The following LPA variants were observed in gnomAD, a reference collection of about 807,000 sequenced individuals.
The protein encoded by LPA is lipoprotein(a).
A neutral mutation model predicts 197.9 loss-of-function variants in LPA; 199 were observed. The observed-to-expected ratio is 1.01, with a 90% confidence interval of 0.90 to 1.13. The LOEUF (loss-of-function observed/expected upper bound fraction) is 1.13, where lower values mean the gene tolerates loss of function less well. LPA is among the 50% of genes most tolerant of loss of function. The pLI, the probability that LPA is intolerant of heterozygous loss-of-function variation, is 0.00. For synonymous variants in LPA, 715 were observed against 639.5 expected, an observed-to-expected ratio of 1.12 and a Z score of -1.78; for missense variants, 1,853 against 1,785.8, an observed-to-expected ratio of 1.04 and a Z score of -0.68.
chr6:160,565,766 A>G (rs1013585000), intron 28 of LPA, among the ~76,000 whole-genome samples: 2 of 152,196 alleles, frequency 1.3e-5, no homozygotes, highest in African/African-American at 4.8e-5. Flanking sequence ...CATTGCAAAG[A>G]AGCTAAAAAC....
rs764089716 is a variant in LPA, at chr6:160,540,141, G to A, written c.5637C>T (p.His1879=). 8.7e-6 allele frequency: 14 copies of A among 1,614,106 alleles called. No individual in the cohort carries two copies. The East Asian group carries it at 2.2e-4, about 26-fold the overall frequency. ...CATGAGATTCGAGGTTCACTTCTTG[G>A]TGTGCACCCAGGATGACCTTGTAGG... ...PSSYKVILGA[H]QEVNLESHVQ... is the part of the protein sequence containing the mutation. Residue 1879 remains histidine (H), a synonymous_variant, in exon 36 of 39, where the codon CAC becomes CAT. Transcript: ENST00000316300.
chr6:160,655,275 C>G (rs1434416921), intron 1 of LPA, among the ~76,000 whole-genome samples: 1 of 152,176 alleles, frequency 6.6e-6, no homozygotes, highest in Admixed American at 6.5e-5. Flanking sequence ...GTGGCAGGGC[C>G]TTGCTCCAAA....
chr6:160,603,164 A>T (rs1779278010), intron 18 of LPA, among the ~76,000 whole-genome samples: 1 of 151,438 alleles, frequency 6.6e-6, no homozygotes, highest in Admixed American at 6.6e-5. Flanking sequence ...ACCCACATGC[A>T]GGAAATCTTT....
At chr6:160,558,796 A>G (rs1778312841) in intron 28 of LPA, among the ~76,000 whole-genome samples, 1 of 152,188 alleles carries the variant, frequency 6.6e-6, no homozygotes, top group Non-Finnish European at 1.5e-5. Flanking sequence ...ACTCCCATTC[A>G]TGCCTCCTAG....
rs770353419 is a variant in LPA at position 160,531,882 on chromosome 6, A to G, written c.5970T>C (p.Ser1990=). The G allele has an allele frequency of 6.2e-7, 1 of 1,614,032 alleles. No homozygotes were observed. Among genetic ancestry groups the G allele is most frequent in the East Asian group, 2.2e-5 (1 of 44,876 alleles). Residue 1990 remains serine, a synonymous_variant, in exon 39 of 39, where the codon AGT becomes AGC. Coordinates refer to ENST00000316300, the MANE Select transcript of LPA (RefSeq NM_005577.4). The part of the protein sequence containing the change: ...ARGTDSCQGD[S]GGPLVCFEKD... ...TCTCGAAGCAAACCAGAGGCCCTCC[A>G]CTGTCACCCTAAACAGAGGTAGGGG...
intron 23 of LPA, 109 bp from the exon 24 acceptor site, chr6:160,589,821 G>A (rs181215991): frequency 7.7e-6 from 10 of 1,292,290 alleles, no homozygotes; most frequent in African/African-American, 5.8e-5. Flanking sequence ...TGACGACCAT[G>A]CTCTGTTCTA....
At chr6:160,661,823 C>A (rs532779953) in intron 1 of LPA, among the ~76,000 whole-genome samples, 10 of 152,308 alleles carry the variant, frequency 6.6e-5, no homozygotes, top group Admixed American at 3.3e-4. Context: ...TGGGTAAATT[C>A]TATAGCTCAC....
chr6:160,603,897 TG>T (rs1456402152), intron 18 of LPA, among the ~76,000 whole-genome samples: 1 of 152,220 alleles, frequency 6.6e-6, no homozygotes, highest in Non-Finnish European at 1.5e-5. Context: ...GAGTCTCTAC[TG>T]TATTCCCAAG....
At chr6:160,600,754 C>T (rs1281078690) in intron 19 of LPA, among the ~76,000 whole-genome samples, 163 bp downstream of exon 19, 2 of 152,142 alleles carry the variant, frequency 1.3e-5, no homozygotes, top group Non-Finnish European at 2.9e-5. Flanking sequence ...AAAATCACAC[C>T]TCTGGCTCCC....
chr6:160,567,708 T>C (rs974107950), intron 28 of LPA, among the ~76,000 whole-genome samples: 1 of 152,138 alleles, frequency 6.6e-6, no homozygotes, highest in African/African-American at 2.4e-5. Flanking sequence ...ATCCAGGAGC[T>C]GGTTTTTTGA....
Position 160,577,146 on chromosome 6 carries a change from A to G in LPA, c.4621T>C (p.Tyr1541His). The stretch of plus-strand genomic sequence containing the variant: ...TAATCAAATACATACGCATTTGGGT[A>G]GTTTTCTGGGGTCCTCTGATGCCAG... ...PHWHQRTPEN[Y>H]PNAGLTENYC... The change falls in exon 28 of 39, where the codon TAC (tyrosine) becomes CAC (histidine). Residue 1541 changes from tyrosine to histidine, a missense_variant. Physicochemically the swap from Tyr to His is moderately conservative, Grantham distance 83. Transcript: ENST00000316300. The G allele has an allele frequency of 6.2e-7, 1 of 1,613,622 alleles. No homozygotes were observed. The highest frequency in any genetic ancestry group is 8.5e-7 in the Non-Finnish European group (1 of 1,179,710).
Position 160,532,648 on chromosome 6 carries a change from AC to A in LPA, c.5843del (p.Gly1948ValfsTer89). ...CYITGWGETQ[G>X]TFGTGLLKEA... ...CCTTGAGAAGGCCAGTCCCAAAGGT[AC>A]CTGTGTTTAAAAAGATGAAAGAAAT... On this transcript the variant is annotated frameshift_variant and splice_region_variant, in exon 38 of 39. Transcript: ENST00000316300. LOFTEE classifies it high-confidence loss of function. The A allele has an allele frequency of 6.3e-7, 1 of 1,582,654 alleles. No individual in the cohort carries two copies. The highest frequency in any genetic ancestry group is 8.7e-7 in the Non-Finnish European group (1 of 1,152,114).
chr6:160,589,678 G>A lies in LPA; in HGVS notation c.3822C>T (p.Cys1274=), dbSNP rs1325340691. The change falls in exon 24 of 39, where the codon TGC becomes TGT. Residue 1274 remains cysteine, a synonymous_variant. Coordinates refer to ENST00000316300, the MANE Select transcript of LPA (RefSeq NM_005577.4). ...PTEQSPTVQD[C]YHGDGQSYRG... Reference sequence around the variant, plus strand: ...GATAACTCTGTCCATCACCATGGTAGCAGTCCTGGACTGTGGGGCTTTGCT... The same window carrying A: ...GATAACTCTGTCCATCACCATGGTAACAGTCCTGGACTGTGGGGCTTTGCT... 2 of 1,613,938 alleles carry A rather than the reference G, an allele frequency of 1.2e-6. No homozygotes were observed. The highest frequency in any genetic ancestry group is 3.3e-5 in the Admixed American group (2 of 60,020).
intron 28 of LPA, among the ~76,000 whole-genome samples, chr6:160,575,414 T>C (rs910611416): frequency 6.6e-6 from 1 of 152,232 alleles, no homozygotes; most frequent in Non-Finnish European, 1.5e-5. Flanking sequence ...TTCTTGTATG[T>C]CTAGTAAATT....
At chr6:160,658,811 C>A (rs560786741) in intron 1 of LPA, among the ~76,000 whole-genome samples, 2 of 151,540 alleles carry the variant, frequency 1.3e-5, no homozygotes, top group African/African-American at 4.9e-5. Context: ...TCCTCAAGAA[C>A]CACTTCTGGT....
At chr6:160,553,954 T>TCTGTGTGTGTGTGTGTGTGTGTGC (rs1554231705) in intron 30 of LPA, among the ~76,000 whole-genome samples, 1 of 130,748 alleles carries the variant, frequency 7.6e-6, no homozygotes, top group Non-Finnish European at 1.6e-5. Context: ...TGTGTGTGTG[T>TCTGTGTGTGTGTGTGTGTGTGTGC]GCGCGCGCGC....
rs898664310 is a variant in LPA at position 160,578,554 on chromosome 6, C to T, written c.4440G>A (p.Pro1480=). 1.4e-5 allele frequency: 22 copies of T among 1,613,870 alleles called. No individual in the cohort carries two copies. The highest frequency in any genetic ancestry group is 8.0e-5 in the African/African-American group (6 of 75,028). The part of the protein sequence containing the change: ...SSVLTTPTVA[P]VPSTEAPSEQ... ...CAGAAGGAGCCTCTGTGCTTGGAAC[C>T]GGGGCCACTGTGGGAGTTGTGAGGA... The change falls in exon 27 of 39, where the codon CCG becomes CCA. Residue 1480 remains proline (P), a synonymous_variant. Coordinates refer to ENST00000316300, the MANE Select transcript of LPA (RefSeq NM_005577.4).
At chr6:160,588,716 C>T (rs111681430) in intron 24 of LPA, among the ~76,000 whole-genome samples, 143 of 152,276 alleles carry the variant, frequency 9.4e-4, no homozygotes, top group African/African-American at 3.1e-3. Context: ...GCATCGCAGA[C>T]TCCAGTCTCT....
rs923105357 is a variant in LPA, at chr6:160,585,216, A to C, written c.4130-11T>G. On this transcript the variant is annotated splice_polypyrimidine_tract_variant and intron_variant, in intron 25 of 38. Coordinates refer to ENST00000316300, the MANE Select transcript of LPA (RefSeq NM_005577.4). ...TGTTTTCAGTTGGTGCTGAAATTAA[A>C]AGAGAAAATCAAGCTCAGTATTGCC... 2 of 1,613,750 alleles carry C rather than the reference A, an allele frequency of 1.2e-6. No homozygotes were observed. Among genetic ancestry groups the C allele is most frequent in the Admixed American group, 1.7e-5 (1 of 60,006 alleles).
Sources: gnomAD v4.1 joint callset for allele counts (sites outside exome capture counted in the v4.1 genomes callset) on GRCh38, gnomAD v4.1.1 for gene constraint, MANE v1.5 for transcripts, NCBI Gene and HGNC (gene_info 2026-07-23, HGNC 2026-07-21) for gene names.